The following PVT1 variants were observed in gnomAD, a reference collection of about 807,000 sequenced individuals.
PVT1 encodes the protein CXCR4/PVT1 fusion.
chr8:127,975,901 C>T (rs976230526), intron 3 of PVT1, among the ~76,000 whole-genome samples: 10 of 152,198 alleles, frequency 6.6e-5, no homozygotes, highest in Non-Finnish European at 1.2e-4. Flanking sequence ...CTGCTTCACT[C>T]ACCACATCCT....
chr8:127,809,334 G>GA (rs1383634166), intron 2 of PVT1, among the ~76,000 whole-genome samples: 2 of 152,094 alleles, frequency 1.3e-5, no homozygotes, highest in Non-Finnish European at 2.9e-5. Context: ...TGGGACTACA[G>GA]GTGCATGGCA....
At chr8:127,804,255 G>A (rs1814501265) in intron 2 of PVT1, among the ~76,000 whole-genome samples, 1 of 152,122 alleles carries the variant, frequency 6.6e-6, no homozygotes, top group South Asian at 2.1e-4. Flanking sequence ...GGGAGGTGGG[G>A]TTGGTAAATT....
At chr8:127,804,190 T>C (rs1462366282) in intron 2 of PVT1, among the ~76,000 whole-genome samples, 1 of 152,130 alleles carries the variant, frequency 6.6e-6, no homozygotes, top group Admixed American at 6.6e-5. Context: ...TACTCCAGTC[T>C]GGGTGACAGA....
intron 4 of PVT1, among the ~76,000 whole-genome samples, chr8:128,063,510 T>G (rs1233453827): frequency 6.6e-6 from 1 of 152,044 alleles, no homozygotes; most frequent in Non-Finnish European, 1.5e-5. Context: ...AGACTCTGTC[T>G]CAAAAAATAA....
At chr8:128,041,419 G>T (rs1274933940) in intron 4 of PVT1, among the ~76,000 whole-genome samples, 1 of 146,710 alleles carries the variant, frequency 6.8e-6, no homozygotes, top group African/African-American at 2.6e-5. Context: ...GTGTGTTTGT[G>T]CTCGTGTGTT....
intron 3 of PVT1, among the ~76,000 whole-genome samples, chr8:127,970,285 A>ATTTTTT (rs1321419703): frequency 1.9e-3 from 52 of 26,754 alleles, no homozygotes; most frequent in Middle Eastern, 0.042. Context: ...ATCTGCCATG[A>ATTTTTT]TTTGTTTTTT....
At chr8:127,997,577 C>T (rs914362226) in intron 4 of PVT1, among the ~76,000 whole-genome samples, 2 of 152,244 alleles carry the variant, frequency 1.3e-5, no homozygotes, top group African/African-American at 4.8e-5. Context: ...GCTGCCACAC[C>T]CTTGTGCACA....
At chr8:128,058,350 A>G (rs1201049529) in intron 4 of PVT1, among the ~76,000 whole-genome samples, 3 of 152,044 alleles carry the variant, frequency 2.0e-5, no homozygotes, top group Non-Finnish European at 2.9e-5. Flanking sequence ...TATATCACTT[A>G]GATGTAACTA....
intron 3 of PVT1, among the ~76,000 whole-genome samples, chr8:127,924,610 C>A (rs1433159014): frequency 6.7e-6 from 1 of 149,708 alleles, no homozygotes; most frequent in Non-Finnish European, 1.5e-5. Flanking sequence ...CTCCCGTGTT[C>A]ATGCCATTCT....
intron 3 of PVT1, among the ~76,000 whole-genome samples, chr8:127,932,042 A>G (rs1380764406): frequency 6.6e-6 from 1 of 151,956 alleles, no homozygotes; most frequent in African/African-American, 2.4e-5. Context: ...CCTCTGTTGA[A>G]TTTTCTCCAG....
intron 1 of PVT1, among the ~76,000 whole-genome samples, chr8:127,794,920 AG>A: frequency 6.8e-6 from 1 of 145,998 alleles, no homozygotes; most frequent in East Asian, 2.2e-4. Flanking sequence ...GGGGAGGGTG[AG>A]GGGAGGGGGA....
At chr8:127,894,691 C>CT (rs762018267) in intron 3 of PVT1, among the ~76,000 whole-genome samples, 3 of 152,240 alleles carry the variant, frequency 2.0e-5, no homozygotes, top group African/African-American at 4.8e-5. Flanking sequence ...GATGTTGGTA[C>CT]TTAAGAAAAG....
At chr8:127,801,695 G>T (rs936487671) in intron 2 of PVT1, among the ~76,000 whole-genome samples, 2 of 152,162 alleles carry the variant, frequency 1.3e-5, no homozygotes, top group African/African-American at 4.8e-5. Flanking sequence ...GTCCAGGCTG[G>T]CAGTGGTGGA....
At chr8:127,799,271 T>C (rs1814435437) in intron 2 of PVT1, among the ~76,000 whole-genome samples, 2 of 151,832 alleles carry the variant, frequency 1.3e-5, no homozygotes, top group African/African-American at 4.8e-5. Context: ...CAAGAGCTGC[T>C]GCTTCAGCCC....
At chr8:127,973,586 C>T (rs951672867) in intron 3 of PVT1, among the ~76,000 whole-genome samples, 1 of 151,554 alleles carries the variant, frequency 6.6e-6, no homozygotes, top group Non-Finnish European at 1.5e-5. Context: ...TTGTGGTCCA[C>T]ACTGGAAATC....
chr8:127,995,838 A>G (rs1817098100), intron 4 of PVT1, among the ~76,000 whole-genome samples: 1 of 152,252 alleles, frequency 6.6e-6, no homozygotes, highest in Non-Finnish European at 1.5e-5. Context: ...AAATGAAGGA[A>G]TCTTCCTGCG....
intron 3 of PVT1, among the ~76,000 whole-genome samples, chr8:127,913,010 C>T (rs529198625): frequency 6.6e-6 from 1 of 152,128 alleles, no homozygotes; most frequent in South Asian, 2.1e-4. Context: ...CTTCACACCC[C>T]ACCTTGTTTT....
At chr8:127,924,244 C>T (rs1816100201) in intron 3 of PVT1, among the ~76,000 whole-genome samples, 1 of 152,156 alleles carries the variant, frequency 6.6e-6, no homozygotes, top group Non-Finnish European at 1.5e-5. Flanking sequence ...AAACTTCTTC[C>T]TTTCTTTTTT....
intron 2 of PVT1, among the ~76,000 whole-genome samples, chr8:127,836,447 A>G (rs1381252321): frequency 6.6e-6 from 1 of 152,048 alleles, no homozygotes; most frequent in Non-Finnish European, 1.5e-5. Context: ...TTTTCTATGA[A>G]AGGTGAGCAA....
Sources: gnomAD v4.1 joint callset for allele counts (sites outside exome capture counted in the v4.1 genomes callset) on GRCh38, gnomAD v4.1.1 for gene constraint, MANE v1.5 for transcripts, NCBI Gene and HGNC (gene_info 2026-07-23, HGNC 2026-07-21) for gene names.